Variants in TAFA5 observed in about 807,000 individuals in gnomAD.
The protein encoded by TAFA5 is chemokine-like protein TAFA-5.
In TAFA5, 6 loss-of-function variants were observed where a neutral mutation model predicts 15.3. That is an observed-to-expected ratio of 0.39 (90% CI 0.21 to 0.77). The LOEUF (loss-of-function observed/expected upper bound fraction) is 0.77. TAFA5 is among the 30% of genes least tolerant of loss of function. The pLI, the probability that TAFA5 is intolerant of heterozygous loss-of-function variation, is 0.41. For synonymous variants in TAFA5, 103 were observed against 80.7 expected (o/e 1.28, Z -1.48); for missense variants, 161 against 193.1 (o/e 0.83, Z 0.98).
chr22:48,528,973 G>T (rs1190227856), intron 1 of TAFA5, among the ~76,000 whole-genome samples: 1 of 152,206 alleles, frequency 6.6e-6, no homozygotes, highest in East Asian at 1.9e-4. Context: ...CCTGGGGAAA[G>T]GCTCAGGCAG....
chr22:48,728,184 A>G (rs1929764309), intron 3 of TAFA5, among the ~76,000 whole-genome samples: 1 of 152,374 alleles, frequency 6.6e-6, no homozygotes, highest in Middle Eastern at 3.4e-3. Flanking sequence ...AAACCAAGTC[A>G]TGAATTAAAT....
intron 2 of TAFA5, among the ~76,000 whole-genome samples, chr22:48,704,399 G>A (rs1929014679): frequency 6.6e-6 from 1 of 152,170 alleles, no homozygotes; most frequent in African/African-American, 2.4e-5. Flanking sequence ...AGGGATGGGA[G>A]ACACAGCTGC....
At chr22:48,576,053 C>G (rs1435167073) in intron 1 of TAFA5, among the ~76,000 whole-genome samples, 3 of 111,494 alleles carry the variant, frequency 2.7e-5, no homozygotes, top group Non-Finnish European at 3.9e-5. Flanking sequence ...CCCCCCCCCC[C>G]GCGCCGCCCG....
At chr22:48,504,787 G>C (rs540318349) in intron 1 of TAFA5, among the ~76,000 whole-genome samples, 3 of 152,132 alleles carry the variant, frequency 2.0e-5, no homozygotes, top group Non-Finnish European at 4.4e-5. Flanking sequence ...GGGATGGCTC[G>C]CCGAATCCCA....
chr22:48,708,110 A>T (rs1290330506), intron 3 of TAFA5, among the ~76,000 whole-genome samples: 1 of 152,154 alleles, frequency 6.6e-6, no homozygotes, highest in Non-Finnish European at 1.5e-5. Context: ...CAGAAGTCAG[A>T]TCACTGACCA....
chr22:48,499,595 A>T (rs1019666947), intron 1 of TAFA5, among the ~76,000 whole-genome samples: 3 of 152,082 alleles, frequency 2.0e-5, no homozygotes, highest in African/African-American at 7.2e-5. Flanking sequence ...GGCCCTCCGC[A>T]GGGGGGTGGC....
At chr22:48,601,969 G>A (rs1007287744) in intron 1 of TAFA5, among the ~76,000 whole-genome samples, 2 of 152,198 alleles carry the variant, frequency 1.3e-5, no homozygotes, top group East Asian at 1.9e-4. Context: ...CATACAGACC[G>A]TGCCAGTGTG....
At chr22:48,725,353 G>GTAA (rs886491948) in intron 3 of TAFA5, among the ~76,000 whole-genome samples, 3 of 152,088 alleles carry the variant, frequency 2.0e-5, no homozygotes, top group African/African-American at 7.2e-5. Flanking sequence ...CCGTAAAAAA[G>GTAA]TAATAATAAT....
Position 48,614,201 on chromosome 22 carries a change from C to T in TAFA5, c.113-32396C>T, listed in dbSNP as rs192597406. ...AAGGGCCTGCGCAGAGCTGGGGGCC[C>T]GAACCATTCCTCACCCCAACTCTTC... On this transcript the variant is annotated intron_variant, in intron 1 of 3. Coordinates refer to ENST00000402357, the MANE Select transcript of TAFA5 (RefSeq NM_001082967.3). 5.4e-4 allele frequency among the ~76,000 whole-genome samples: 82 copies of T among 152,294 alleles called. 2 individuals carry two copies. The highest frequency in any genetic ancestry group is 1.5e-3 in the African/African-American group (61 of 41,568).
intron 2 of TAFA5, among the ~76,000 whole-genome samples, chr22:48,683,693 A>T (rs1928264335): frequency 6.6e-6 from 1 of 152,206 alleles, no homozygotes; most frequent in Admixed American, 6.5e-5. Context: ...GCAAACTTTC[A>T]AACTTGTCAT....
At chr22:48,735,299 G>T (rs1215669531) in intron 3 of TAFA5, among the ~76,000 whole-genome samples, 1 of 152,214 alleles carries the variant, frequency 6.6e-6, no homozygotes, top group Non-Finnish European at 1.5e-5. Flanking sequence ...TCACATGCAT[G>T]ACGCTAGGAG....
chr22:48,642,644 G>A (rs1408636813), intron 1 of TAFA5, among the ~76,000 whole-genome samples: 1 of 152,132 alleles, frequency 6.6e-6, no homozygotes, highest in African/African-American at 2.4e-5. Context: ...TGTACATGCC[G>A]TGTGTGTGAC....
At chr22:48,587,066 G>A (rs29001578) in intron 1 of TAFA5, among the ~76,000 whole-genome samples, 7,766 of 152,326 alleles carry the variant, frequency 0.051, 314 homozygotes, top group South Asian at 0.19. Context: ...GTTTGTCTGT[G>A]GTTTCCCTGT....
At chr22:48,502,172 A>G (rs920953919) in intron 1 of TAFA5, among the ~76,000 whole-genome samples, 1 of 152,142 alleles carries the variant, frequency 6.6e-6, no homozygotes, top group African/African-American at 2.4e-5. Flanking sequence ...TTAAAAATCC[A>G]TTGGATAACA....
At chr22:48,512,196 T>C (rs185619178) in intron 1 of TAFA5, among the ~76,000 whole-genome samples, 321 of 152,118 alleles carry the variant, frequency 2.1e-3, no homozygotes, top group African/African-American at 7.3e-3. Flanking sequence ...TGGGAGGAGG[T>C]GGAGGAGATG....
intron 1 of TAFA5, among the ~76,000 whole-genome samples, chr22:48,630,955 C>A (rs1926202814): frequency 6.6e-6 from 1 of 152,190 alleles, no homozygotes; most frequent in Admixed American, 6.5e-5. Flanking sequence ...ATGCAAGGCC[C>A]AGGGTCACCG....
intron 1 of TAFA5, among the ~76,000 whole-genome samples, chr22:48,625,128 G>GAC (rs1408925002): frequency 7.9e-6 from 1 of 126,356 alleles, no homozygotes; most frequent in African/African-American, 2.8e-5. Flanking sequence ...AAAAAAAAAA[G>GAC]AGAGAGAGAG....
At chr22:48,535,378 G>A (rs1184381155) in intron 1 of TAFA5, among the ~76,000 whole-genome samples, 1 of 152,238 alleles carries the variant, frequency 6.6e-6, no homozygotes, top group African/African-American at 2.4e-5. Flanking sequence ...GATGGCCTTA[G>A]AAGAAATGTC....
chr22:48,679,971 C>T (rs1288947051), intron 2 of TAFA5, among the ~76,000 whole-genome samples: 3 of 152,232 alleles, frequency 2.0e-5, no homozygotes, highest in Non-Finnish European at 2.9e-5. Context: ...CCATGAACCT[C>T]AGTTTTCCCA....
Sources: gnomAD v4.1 joint callset for allele counts (sites outside exome capture counted in the v4.1 genomes callset) on GRCh38, gnomAD v4.1.1 for gene constraint, MANE v1.5 for transcripts, NCBI Gene and HGNC (gene_info 2026-07-23, HGNC 2026-07-21) for gene names.